Variants in ADAMTSL3 observed in about 807,000 individuals in gnomAD.
ADAMTSL3 encodes the protein ADAMTS like 3, also known as ADAMTS-like protein 3.
Under a neutral mutation model 201.7 loss-of-function variants are expected in ADAMTSL3, and 128 were observed. The ratio of observed to expected loss-of-function variants is 0.63; its 90% CI spans 0.55 to 0.73. ADAMTSL3 has a LOEUF of 0.73. Among genes scored for constraint, ADAMTSL3 ranks in the 30% least tolerant of loss-of-function variants. The pLI, the probability that ADAMTSL3 is intolerant of heterozygous loss-of-function variation, is 0.00. For missense variants in ADAMTSL3, 1,990 were observed against 2,119.6 expected (o/e 0.94, Z 1.20); for synonymous variants, 738 against 748.4 (o/e 0.99, Z 0.23).
At chr15:83,853,926 ATC>A (rs1316234567) in intron 7 of ADAMTSL3, among the ~76,000 whole-genome samples, 1 of 149,808 alleles carries the variant, frequency 6.7e-6, no homozygotes, top group African/African-American at 2.5e-5. Flanking sequence ...CTATCTATCT[ATC>A]TATCTATCTA....
intron 3 of ADAMTSL3, among the ~76,000 whole-genome samples, chr15:83,746,865 TA>T (rs1009308803): frequency 2.0e-5 from 3 of 148,696 alleles, no homozygotes; most frequent in African/African-American, 4.9e-5. Context: ...CCTTGCCTCT[TA>T]AAAAAAATGA....
intron 3 of ADAMTSL3, among the ~76,000 whole-genome samples, chr15:83,730,165 A>G (rs2062243184): frequency 6.6e-6 from 1 of 152,122 alleles, no homozygotes; most frequent in Admixed American, 6.6e-5. Context: ...TGTGAGCTGA[A>G]GGGCCTATTT....
intron 3 of ADAMTSL3, among the ~76,000 whole-genome samples, chr15:83,748,649 C>CAAAAAA (rs71156097): frequency 4.3e-5 from 3 of 70,478 alleles, no homozygotes; most frequent in Non-Finnish European, 5.2e-5. Flanking sequence ...GACCCTGTCT[C>CAAAAAA]AAAAAAAAAA....
intron 26 of ADAMTSL3, among the ~76,000 whole-genome samples, chr15:84,023,160 A>C (rs2068236340): frequency 6.6e-6 from 1 of 152,240 alleles, no homozygotes; most frequent in South Asian, 2.1e-4. Flanking sequence ...TGTCTGCTGC[A>C]TCATATACTC....
At chr15:84,000,469 A>T (rs939747947) in intron 23 of ADAMTSL3, among the ~76,000 whole-genome samples, 8 of 152,164 alleles carry the variant, frequency 5.3e-5, no homozygotes, top group Admixed American at 2.6e-4. Context: ...AGATGGTTGG[A>T]AATTCCATCC....
At chr15:83,669,566 C>A (rs1486430453) in intron 2 of ADAMTSL3, among the ~76,000 whole-genome samples, 2 of 139,298 alleles carry the variant, frequency 1.4e-5, no homozygotes, top group Non-Finnish European at 3.0e-5. Context: ...CTCCTGGGTT[C>A]ACTCCATTCT....
rs555168248 is a variant in ADAMTSL3 at position 83,846,872 on chromosome 15, G to A, written c.727+8657G>A. 2.6e-5 allele frequency among the ~76,000 whole-genome samples: 4 copies of A among 152,276 alleles called. No homozygotes were observed. In the South Asian group the frequency reaches 6.2e-4, roughly 24 times the overall value. On this transcript the variant is annotated intron_variant, in intron 7 of 29. Transcript: ENST00000286744. ...AAATGAGAGTTACACTATGATGCTC[G>A]AGAACATCTGGACAGATATTTGTTA...
intron 19 of ADAMTSL3, among the ~76,000 whole-genome samples, chr15:83,947,413 T>C (rs2066673965): frequency 6.6e-6 from 1 of 152,236 alleles, no homozygotes; most frequent in African/African-American, 2.4e-5. Context: ...CCTTGGTTCC[T>C]TAGATCTGGA....
chr15:83,882,135 G>A (rs572786824), intron 9 of ADAMTSL3, among the ~76,000 whole-genome samples: 3 of 151,422 alleles, frequency 2.0e-5, no homozygotes, highest in African/African-American at 4.8e-5. Context: ...CAGCCTGGGC[G>A]ACAGAGCGAG....
chr15:83,688,751 T>TACACACACACAC (rs1555430321), intron 2 of ADAMTSL3, among the ~76,000 whole-genome samples: 6,571 of 114,520 alleles, frequency 0.057, 183 homozygotes, highest in East Asian at 0.12. Flanking sequence ...CACATGCATA[T>TACACACACACAC]ATATACACAC....
chr15:83,666,861 AAAG>A (rs1315989836), intron 2 of ADAMTSL3, among the ~76,000 whole-genome samples: 1 of 151,882 alleles, frequency 6.6e-6, no homozygotes, highest in Non-Finnish European at 1.5e-5. Context: ...AAAAAAAAGA[AAAG>A]AAATAGAAAA....
chr15:83,670,997 A>G (rs1043965071), intron 2 of ADAMTSL3, among the ~76,000 whole-genome samples: 6 of 152,230 alleles, frequency 3.9e-5, no homozygotes, highest in Admixed American at 3.3e-4. Flanking sequence ...CTGAATATTG[A>G]ATCATCCTTG....
intron 3 of ADAMTSL3, among the ~76,000 whole-genome samples, chr15:83,755,922 G>A (rs1178492548): frequency 6.6e-6 from 1 of 152,126 alleles, no homozygotes; most frequent in African/African-American, 2.4e-5. Flanking sequence ...CACCACATCT[G>A]GCTAATTTTT....
At chr15:83,839,494 G>T (rs1225157511) in intron 7 of ADAMTSL3, among the ~76,000 whole-genome samples, 1 of 152,172 alleles carries the variant, frequency 6.6e-6, no homozygotes, top group Non-Finnish European at 1.5e-5. Flanking sequence ...TTAGGCAGTG[G>T]AGTGATATGG....
chr15:83,756,897 C>T lies in ADAMTSL3; in HGVS notation c.190-16626C>T, dbSNP rs569957539. On this transcript the variant is annotated intron_variant, in intron 3 of 29. Coordinates refer to ENST00000286744, the MANE Select transcript of ADAMTSL3 (RefSeq NM_207517.3). ...CTGAAATCCAGTGGGGCAGTCAAATCTTAAAGCTCCAAAATGATCTCCTTT... is the reference window on the plus strand; with the variant it reads ...CTGAAATCCAGTGGGGCAGTCAAATTTTAAAGCTCCAAAATGATCTCCTTT... Among the ~76,000 whole-genome samples, 88 of 152,328 alleles carry T rather than the reference C, an allele frequency of 5.8e-4. No homozygotes were observed. In the South Asian group the frequency reaches 0.016, roughly 28 times the overall value.
At chr15:83,721,774 C>T (rs897732794) in intron 3 of ADAMTSL3, among the ~76,000 whole-genome samples, 6 of 152,076 alleles carry the variant, frequency 3.9e-5, no homozygotes, top group African/African-American at 1.4e-4. Flanking sequence ...GCCCTGTTGC[C>T]CAAGCTGGAG....
chr15:83,704,627 A>C, intron 3 of ADAMTSL3, 119 bp downstream of exon 3: 1 of 1,292,022 alleles, frequency 7.7e-7, no homozygotes, highest in Non-Finnish European at 1.1e-6. Flanking sequence ...AGTACAACAG[A>C]CCCTTGACAC....
intron 19 of ADAMTSL3, among the ~76,000 whole-genome samples, chr15:83,946,638 CAA>C: frequency 6.6e-6 from 1 of 152,264 alleles, no homozygotes; most frequent in South Asian, 2.1e-4. Context: ...AGAGAAAATC[CAA>C]AGTGGTGTTG....
intron 7 of ADAMTSL3, among the ~76,000 whole-genome samples, chr15:83,846,671 G>A (rs929660052): frequency 2.6e-5 from 4 of 152,150 alleles, no homozygotes; most frequent in Non-Finnish European, 2.9e-5. Context: ...GAATTTTGAG[G>A]GGTAAATCTG....
Sources: gnomAD v4.1 joint callset for allele counts (sites outside exome capture counted in the v4.1 genomes callset) on GRCh38, gnomAD v4.1.1 for gene constraint, MANE v1.5 for transcripts, NCBI Gene and HGNC (gene_info 2026-07-23, HGNC 2026-07-21) for gene names.